Variants in SCGB1D2 observed in about 807,000 individuals in gnomAD.
SCGB1D2 encodes lipophilin-B.
In SCGB1D2, 10 loss-of-function variants were observed where a neutral mutation model predicts 10.5. The observed-to-expected ratio is 0.95, with a 90% CI of 0.59 to 1.61. The LOEUF (loss-of-function observed/expected upper bound fraction) is 1.61, where lower values mean the gene tolerates loss of function less well. Among genes scored for constraint, SCGB1D2 ranks in the 40% most tolerant of loss-of-function variants. SCGB1D2 has a pLI of 0.00. For missense variants in SCGB1D2, 113 were observed against 103.8 expected, an observed-to-expected ratio of 1.09 and a Z score of -0.38; for synonymous variants, 42 against 42.8, an observed-to-expected ratio of 0.98 and a Z score of 0.08.
In SCGB1D2 at chr11:62,243,370, T is replaced by C. The variant is rs143661065; in HGVS notation, c.137T>C (p.Leu46Pro). The change falls in exon 2 of 3, where the codon CTT becomes CCT. Residue 46 changes from leucine to proline, a missense_variant. Physicochemically the swap from Leu to Pro is moderately conservative, Grantham distance 98. Coordinates refer to ENST00000244926, the MANE Select transcript of SCGB1D2 (RefSeq NM_006551.4). The part of the protein sequence containing the change: ...FISEPLFKLS[L>P]AKFDAPPEAV... ...AGTGAACCTCTGTTCAAGTTAAGTCTTGCCAAATTTGATGCCCCTCCGGAA... is the reference window on the plus strand; with the variant it reads ...AGTGAACCTCTGTTCAAGTTAAGTCCTGCCAAATTTGATGCCCCTCCGGAA... 121 of 1,613,964 alleles carry C rather than the reference T, an allele frequency of 7.5e-5. 1 individual carries two copies. The highest frequency in any genetic ancestry group is 9.8e-5 in the Non-Finnish European group (116 of 1,179,914).
At chr11:62,243,568 G>A (rs1443101068) in intron 2 of SCGB1D2, 92 bp downstream of exon 2, 1 of 1,126,610 alleles carries the variant, frequency 8.9e-7, no homozygotes, top group Non-Finnish European at 1.3e-6. Flanking sequence ...GACACAGGTG[G>A]TGGGGCAGCT....
intron 1 of SCGB1D2, 64 bp from the exon 2 acceptor site, chr11:62,243,225 C>A: frequency 2.2e-6 from 3 of 1,354,560 alleles, no homozygotes; most frequent in South Asian, 1.3e-5. Flanking sequence ...GGTCTAACGT[C>A]AGGGAGCCAA....
chr11:62,243,717 C>A (rs545692214), intron 2 of SCGB1D2, among the ~76,000 whole-genome samples: 38 of 152,252 alleles, frequency 2.5e-4, no homozygotes, highest in Non-Finnish European at 4.4e-4. Context: ...ATGCCATGTC[C>A]CCAGAGTGTG....
In SCGB1D2 at chr11:62,244,775, C is replaced by A; in HGVS notation, c.*76C>A. On this transcript the variant is annotated 3_prime_UTR_variant, in exon 3 of 3. Transcript: ENST00000244926. Reference sequence around the variant, plus strand: ...TCTTCACTGCAGAATGTAAAGGTTTCAACGTCTTGCTTTAATAAATCACTT... The same window carrying A: ...TCTTCACTGCAGAATGTAAAGGTTTAAACGTCTTGCTTTAATAAATCACTT... 8.0e-7 allele frequency: 1 copy of A among 1,250,928 alleles called. No individual in the cohort carries two copies. Among genetic ancestry groups the A allele is most frequent in the Non-Finnish European group, 1.2e-6 (1 of 859,204 alleles). 77.5% of individuals were successfully genotyped at this position (1,250,928 alleles called of 1,614,324 possible). A position where few individuals can be genotyped will look rare whatever the true frequency, so the allele number is the denominator to read the frequency against.
At chr11:62,242,793 G>A (rs932266392) in intron 1 of SCGB1D2, among the ~76,000 whole-genome samples, 11 of 152,332 alleles carry the variant, frequency 7.2e-5, no homozygotes, top group African/African-American at 2.6e-4. Flanking sequence ...ACTGTCAAAA[G>A]AGTCTAGCTG....
intron 2 of SCGB1D2, 60 bp downstream of exon 2, chr11:62,243,536 G>A: frequency 1.4e-6 from 2 of 1,382,222 alleles, no homozygotes; most frequent in Non-Finnish European, 2.0e-6. Context: ...ATGAAGTGAG[G>A]TCAGCTTGCT....
intron 2 of SCGB1D2, among the ~76,000 whole-genome samples, chr11:62,244,252 A>G (rs1304606089): frequency 6.6e-6 from 1 of 152,120 alleles, no homozygotes; most frequent in African/African-American, 2.4e-5. Context: ...CAGAATTCCC[A>G]CATGGGGAGG....
At chr11:62,243,222 C>A (rs1277317607) in intron 1 of SCGB1D2, 67 bp from the exon 2 acceptor site, 2 of 1,314,410 alleles carry the variant, frequency 1.5e-6, no homozygotes, top group South Asian at 1.3e-5. Context: ...TCTGGTCTAA[C>A]GTCAGGGAGC....
At chr11:62,243,247 G>A (rs1444543329) in intron 1 of SCGB1D2, 42 bp from the exon 2 acceptor site, 5 of 1,559,440 alleles carry the variant, frequency 3.2e-6, no homozygotes, top group East Asian at 2.3e-5. Context: ...GAGAAAAATC[G>A]ACTTTCCTAA....
chr11:62,243,229 G>A (rs1945078331), intron 1 of SCGB1D2, 60 bp from the exon 2 acceptor site: 8 of 1,392,786 alleles, frequency 5.7e-6, no homozygotes, highest in African/African-American at 1.4e-5. Context: ...TAACGTCAGG[G>A]AGCCAAAGAG....
At chr11:62,244,085 A>G (rs916822766) in intron 2 of SCGB1D2, among the ~76,000 whole-genome samples, 2 of 152,112 alleles carry the variant, frequency 1.3e-5, no homozygotes, top group Non-Finnish European at 2.9e-5. Flanking sequence ...CTGCAGTGCC[A>G]TGGAAGCGGG....
chr11:62,244,718 C>A lies in SCGB1D2; in HGVS notation c.*19C>A. On this transcript the variant is annotated 3_prime_UTR_variant, in exon 3 of 3. Transcript: ENST00000244926. ...TGTGTGACATGTAAAAACTTTCATC[C>A]TGGTTTCCACTGTCTTTCAATGACA... 1 of 1,601,340 alleles carries A rather than the reference C, an allele frequency of 6.2e-7. No homozygotes were observed. Among genetic ancestry groups the A allele is most frequent in the Non-Finnish European group, 8.6e-7 (1 of 1,168,682 alleles).
chr11:62,242,759 G>A (rs914098540), intron 1 of SCGB1D2, among the ~76,000 whole-genome samples: 3 of 152,204 alleles, frequency 2.0e-5, no homozygotes, highest in Admixed American at 2.0e-4. Flanking sequence ...GAGAGGCTAT[G>A]AGAATGGAGT....
chr11:62,242,953 G>A (rs1446129725), intron 1 of SCGB1D2, among the ~76,000 whole-genome samples: 2 of 152,192 alleles, frequency 1.3e-5, no homozygotes, highest in East Asian at 1.9e-4. Context: ...TCAGCTGGAC[G>A]TGGTGACATG....
chr11:62,244,740 G>T lies in SCGB1D2; in HGVS notation c.*41G>T. 6.5e-7 allele frequency: 1 copy of T among 1,542,610 alleles called. No homozygotes were observed. Among genetic ancestry groups the T allele is most frequent in the South Asian group, 1.1e-5 (1 of 89,306 alleles). On this transcript the variant is annotated 3_prime_UTR_variant, in exon 3 of 3. Transcript: ENST00000244926. ...ATCCTGGTTTCCACTGTCTTTCAAT[G>T]ACACCCTGATCTTCACTGCAGAATG...
chr11:62,244,762 A>G lies in SCGB1D2; in HGVS notation c.*63A>G. 1 of 1,369,458 alleles carries G rather than the reference A, an allele frequency of 7.3e-7. No homozygotes were observed. Among genetic ancestry groups the G allele is most frequent in the Admixed American group, 1.8e-5 (1 of 57,086 alleles). The allele number at this position is 1,369,458 out of a possible 1,614,324, so 84.8% of individuals were successfully genotyped here. ...AATGACACCCTGATCTTCACTGCAG[A>G]ATGTAAAGGTTTCAACGTCTTGCTT... On this transcript the variant is annotated 3_prime_UTR_variant, in exon 3 of 3. Coordinates refer to ENST00000244926, the MANE Select transcript of SCGB1D2 (RefSeq NM_006551.4).
At chr11:62,243,514 C>G in intron 2 of SCGB1D2, 38 bp downstream of exon 2, 1 of 1,553,362 alleles carries the variant, frequency 6.4e-7, no homozygotes, top group Non-Finnish European at 8.8e-7. Flanking sequence ...GGCTTCTGGT[C>G]AGCTGCACAG....
rs1292412752 is a variant in SCGB1D2, at chr11:62,242,325, T to C, written c.18T>C (p.Cys6=). The C allele has an allele frequency of 6.2e-7, 1 of 1,614,028 alleles. No homozygotes were observed. The highest frequency in any genetic ancestry group is 1.7e-5 in the Admixed American group (1 of 60,028). The part of the protein sequence containing the change: MKLSV[C]LLLVTLALCC... Reference sequence around the variant, plus strand: ...AAGCCACCATGAAGCTGTCGGTGTGTCTCCTGCTGGTCACGCTGGCCCTCT... The same window carrying C: ...AAGCCACCATGAAGCTGTCGGTGTGCCTCCTGCTGGTCACGCTGGCCCTCT... The change falls in exon 1 of 3, where the codon TGT becomes TGC. Residue 6 remains cysteine, a synonymous_variant. Transcript: ENST00000244926.
chr11:62,243,463 T>G lies in SCGB1D2; in HGVS notation c.230T>G (p.Ile77Ser). Residue 77 changes from isoleucine to serine, a missense_variant, in exon 2 of 3, where the codon ATT (isoleucine) becomes AGT (serine). Ile to Ser is a moderately radical substitution (Grantham distance 142). Transcript: ENST00000244926. ...ATGTCCCTTCAGAAACGAAGCCTCA[T>G]TGCGGAAGTCCTGGTAACTTCTTTC... is the stretch of plus-strand genomic sequence containing the variant. ...DQMSLQKRSL[I>S]AEVLVKILKK... 6.2e-7 allele frequency: 1 copy of G among 1,613,022 alleles called. No individual in the cohort carries two copies. The highest frequency in any genetic ancestry group is 8.5e-7 in the Non-Finnish European group (1 of 1,179,376).
Sources: allele counts gnomAD v4.1 joint callset (sites outside exome capture counted in the v4.1 genomes callset), GRCh38; gene constraint gnomAD v4.1.1; transcripts MANE v1.5; gene names NCBI Gene and HGNC (gene_info 2026-07-23, HGNC 2026-07-21).